LRMDA: variants seen among roughly 807,000 people sequenced by gnomAD.
LRMDA encodes leucine rich melanocyte differentiation associated.
In LRMDA, 18 loss-of-function variants were observed where a neutral mutation model predicts 29.8. The ratio of observed to expected loss-of-function variants is 0.60; its 90% CI spans 0.42 to 0.90. The LOEUF (loss-of-function observed/expected upper bound fraction) is 0.90. Among genes scored for constraint, LRMDA ranks in the 40% least tolerant of loss-of-function variants. LRMDA has a pLI of 0.00. For missense variants in LRMDA, 273 were observed against 273.9 expected (o/e 1.00, Z 0.02); for synonymous variants, 125 against 109.4 (o/e 1.14, Z -0.89).
At chr10:75,931,273 A>G (rs1266146442) in intron 2 of LRMDA, among the ~76,000 whole-genome samples, 1 of 152,192 alleles carries the variant, frequency 6.6e-6, no homozygotes, top group African/African-American at 2.4e-5. Context: ...GAAGTCAGTC[A>G]ACTCATAGGC....
At chr10:75,880,605 G>A (rs1845277954) in intron 2 of LRMDA, among the ~76,000 whole-genome samples, 1 of 152,158 alleles carries the variant, frequency 6.6e-6, no homozygotes, top group South Asian at 2.1e-4. Context: ...GAGAGGGTGG[G>A]ATTTTGTAAG....
chr10:76,149,670 G>T (rs1850401178), intron 5 of LRMDA, among the ~76,000 whole-genome samples: 1 of 152,132 alleles, frequency 6.6e-6, no homozygotes. Context: ...AGCTCCTCAA[G>T]CCCATAAATA....
chr10:75,700,784 AATGG>A (rs1253221396), intron 2 of LRMDA, among the ~76,000 whole-genome samples: 1 of 151,922 alleles, frequency 6.6e-6, no homozygotes, highest in Non-Finnish European at 1.5e-5. Context: ...TGGGTGGGTG[AATGG>A]ATGGATGGAT....
intron 2 of LRMDA, among the ~76,000 whole-genome samples, chr10:75,661,981 C>T (rs1222390370): frequency 6.6e-6 from 1 of 152,138 alleles, no homozygotes; most frequent in Non-Finnish European, 1.5e-5. Context: ...TTTCCCCCTA[C>T]CCTGTACTTT....
Position 76,031,618 on chromosome 10 carries a change from T to C in LRMDA, c.132-4390T>C, listed in dbSNP as rs148226924. 1.9e-3 allele frequency among the ~76,000 whole-genome samples: 288 copies of C among 152,180 alleles called. 2 individuals carry two copies. Among genetic ancestry groups the C allele is most frequent in the African/African-American group, 6.6e-3 (273 of 41,528 alleles). ...AGACAGAAATCATCAGAGAGATCCA[T>C]ACAGAACAGGCAGCAGCCAGCCCTT... On this transcript the variant is annotated intron_variant, in intron 2 of 6. Transcript: ENST00000611255.
intron 2 of LRMDA, among the ~76,000 whole-genome samples, chr10:75,751,308 A>AGAGAGG (rs1310082642): frequency 6.0e-5 from 9 of 148,828 alleles, no homozygotes; most frequent in African/African-American, 1.5e-4. Flanking sequence ...GACTGTGGAG[A>AGAGAGG]GAGAGGGAGA....
At chr10:76,294,247 C>A (rs1487677748) in intron 5 of LRMDA, among the ~76,000 whole-genome samples, 1 of 152,126 alleles carries the variant, frequency 6.6e-6, no homozygotes, top group Non-Finnish European at 1.5e-5. Flanking sequence ...TTGGATAGTT[C>A]TTAGTTTCTC....
Position 76,222,220 on chromosome 10 carries a change from A to G in LRMDA, c.517-102181A>G, listed in dbSNP as rs984713580. 4.1e-3 allele frequency among the ~76,000 whole-genome samples: 620 copies of G among 152,326 alleles called. 6 individuals are homozygous for G. The highest frequency in any genetic ancestry group is 0.014 in the African/African-American group (576 of 41,554). On this transcript the variant is annotated intron_variant, in intron 5 of 6. Coordinates refer to ENST00000611255, the MANE Select transcript of LRMDA (RefSeq NM_001305581.2). ...GGACATAGGCATGGGCAAGGACTTCATGTCTAAAACACCAAAAGCAGTGGC... is the reference window on the plus strand; with the variant it reads ...GGACATAGGCATGGGCAAGGACTTCGTGTCTAAAACACCAAAAGCAGTGGC...
Position 75,893,290 on chromosome 10 carries a change from C to T in LRMDA, c.132-142718C>T, listed in dbSNP as rs61407377. ...CACCAAAATATTTGTCATTGATCTC[C>T]ATCTGCCCTGAAATTATGTTCTCCA... On this transcript the variant is annotated intron_variant, in intron 2 of 6. Transcript: ENST00000611255. Among the ~76,000 whole-genome samples, 512 of 152,232 alleles carry T rather than the reference C, an allele frequency of 3.4e-3. 2 individuals are homozygous for T. The highest frequency in any genetic ancestry group is 0.011 in the African/African-American group (473 of 41,546).
chr10:76,261,342 G>A (rs1343805174), intron 5 of LRMDA, among the ~76,000 whole-genome samples: 4 of 151,974 alleles, frequency 2.6e-5, no homozygotes, highest in Non-Finnish European at 5.9e-5. Context: ...AAAGTGCTGG[G>A]ATTACAGGCG....
chr10:75,740,448 T>C (rs1842815495), intron 2 of LRMDA, among the ~76,000 whole-genome samples: 1 of 152,178 alleles, frequency 6.6e-6, no homozygotes, highest in African/African-American at 2.4e-5. Context: ...CCCTGTGTGA[T>C]GTCTGGATTT....
chr10:75,471,656 A>G (rs1267740425), intron 2 of LRMDA, among the ~76,000 whole-genome samples: 7 of 152,194 alleles, frequency 4.6e-5, no homozygotes, highest in East Asian at 1.9e-4. Context: ...CTGTGTTTCT[A>G]TAATATTCAT....
At chr10:75,833,543 T>C (rs1844382380) in intron 2 of LRMDA, among the ~76,000 whole-genome samples, 1 of 152,142 alleles carries the variant, frequency 6.6e-6, no homozygotes, top group South Asian at 2.1e-4. Context: ...TCTCCTTCTG[T>C]CCCTCCAAAA....
chr10:76,156,271 T>C (rs1642449926), intron 5 of LRMDA, among the ~76,000 whole-genome samples: 1 of 152,178 alleles, frequency 6.6e-6, no homozygotes, highest in Non-Finnish European at 1.5e-5. Context: ...GGAGGACTTC[T>C]CTTTGGTCCC....
intron 2 of LRMDA, among the ~76,000 whole-genome samples, chr10:75,890,828 G>A (rs1270231003): frequency 6.6e-6 from 1 of 150,900 alleles, no homozygotes; most frequent in Admixed American, 6.6e-5. Flanking sequence ...CCTATGGCTG[G>A]GTGTGGTGGT....
intron 2 of LRMDA, among the ~76,000 whole-genome samples, chr10:75,889,550 T>A (rs1246205569): frequency 6.6e-6 from 1 of 152,198 alleles, no homozygotes; most frequent in Non-Finnish European, 1.5e-5. Flanking sequence ...TATTAAATCA[T>A]GCTTAAAGAT....
chr10:76,264,429 A>C (rs1226946895), intron 5 of LRMDA, among the ~76,000 whole-genome samples: 5 of 28,674 alleles, frequency 1.7e-4, no homozygotes, highest in African/African-American at 1.0e-3. Flanking sequence ...AAAAAAAAAA[A>C]AAAAAAAAAA....
chr10:75,486,203 C>G (rs540874399), intron 2 of LRMDA, among the ~76,000 whole-genome samples: 56 of 152,108 alleles, frequency 3.7e-4, no homozygotes, highest in Non-Finnish European at 4.3e-4. Context: ...TCTATATATA[C>G]ATTATTTCTA....
intron 5 of LRMDA, among the ~76,000 whole-genome samples, chr10:76,259,956 T>C (rs185834662): frequency 6.6e-6 from 1 of 152,246 alleles, no homozygotes; most frequent in Admixed American, 6.5e-5. Flanking sequence ...TCAGTTCAAG[T>C]CTACATATGT....
Sources: allele counts gnomAD v4.1 joint callset (sites outside exome capture counted in the v4.1 genomes callset), GRCh38; gene constraint gnomAD v4.1.1; transcripts MANE v1.5; gene names NCBI Gene and HGNC (gene_info 2026-07-23, HGNC 2026-07-21).